RAD51B: variants seen among roughly 807,000 people sequenced by gnomAD.
RAD51B encodes DNA repair protein RAD51 homolog 2.
RAD51B carries 38 observed loss-of-function variants against 42.2 expected under a neutral mutation model. That is an observed-to-expected ratio of 0.90 (90% CI 0.70 to 1.18). The LOEUF is 1.18. Ranked by LOEUF, RAD51B falls within the 50% of genes most tolerant of loss-of-function variation. RAD51B has a pLI of 0.00. For missense variants in RAD51B, 373 were observed against 400.7 expected (o/e 0.93, Z 0.59); for synonymous variants, 154 against 145.2 (o/e 1.06, Z -0.43).
intron 7 of RAD51B, among the ~76,000 whole-genome samples, chr14:67,905,331 A>G (rs773700355): frequency 5.9e-5 from 9 of 152,078 alleles, no homozygotes; most frequent in South Asian, 2.1e-4. Flanking sequence ...GTCTTGTAAT[A>G]TACTTTGAAG....
chr14:68,070,586 G>T (rs555523965), intron 7 of RAD51B, among the ~76,000 whole-genome samples: 2 of 152,262 alleles, frequency 1.3e-5, no homozygotes, highest in East Asian at 1.9e-4. Context: ...TCAGCTAGTT[G>T]TAGGTGTGTG....
intron 4 of RAD51B, among the ~76,000 whole-genome samples, chr14:67,835,749 T>A (rs917464833): frequency 3.3e-5 from 5 of 151,594 alleles, no homozygotes; most frequent in African/African-American, 1.2e-4. Flanking sequence ...ATGCTTATGG[T>A]CCTAGCTACT....
intron 8 of RAD51B, among the ~76,000 whole-genome samples, chr14:68,396,620 A>G (rs550065554): frequency 1.7e-4 from 26 of 152,362 alleles, no homozygotes; most frequent in African/African-American, 5.8e-4. Context: ...GGATCACCTT[A>G]CATATTTTCA....
At chr14:68,564,929 C>T (rs980900548) in intron 10 of RAD51B, among the ~76,000 whole-genome samples, 3 of 152,220 alleles carry the variant, frequency 2.0e-5, no homozygotes, top group Admixed American at 6.5e-5. Context: ...TAGTGACATC[C>T]GTCATGTGGC....
chr14:68,439,290 G>T (rs1594840028), intron 9 of RAD51B, among the ~76,000 whole-genome samples: 1 of 151,990 alleles, frequency 6.6e-6, no homozygotes, highest in African/African-American at 2.4e-5. Context: ...TAGTTGGGCA[G>T]CTCCAGCCTC....
chr14:68,002,251 AG>A (rs1427790574), intron 7 of RAD51B, among the ~76,000 whole-genome samples: 1 of 151,930 alleles, frequency 6.6e-6, no homozygotes, highest in Admixed American at 6.6e-5. Context: ...GACTGATGTG[AG>A]CCATTGTGGT....
In RAD51B at chr14:68,676,246, C is replaced by T. The variant is rs558606985; in HGVS notation, c.*11+25390C>T. 3.3e-5 allele frequency among the ~76,000 whole-genome samples: 5 copies of T among 152,232 alleles called. No individual in the cohort carries two copies. In the East Asian group the frequency reaches 9.6e-4, roughly 29 times the overall value. ...CTTTAGAGACGAGGAAACCTAGGCACAGAGAGGTTAAAGTGCCTTGCCCTG... is the reference window on the plus strand; with the variant it reads ...CTTTAGAGACGAGGAAACCTAGGCATAGAGAGGTTAAAGTGCCTTGCCCTG... On this transcript the variant is annotated intron_variant, in intron 11 of 11. Coordinates refer to the RAD51B transcript ENST00000488612.
chr14:68,324,837 A>T (rs996423130), intron 8 of RAD51B, among the ~76,000 whole-genome samples: 1 of 151,908 alleles, frequency 6.6e-6, no homozygotes, highest in African/African-American at 2.4e-5. Context: ...GCTGATGCTC[A>T]CCCCCAGTTA....
At chr14:68,463,735 G>A (rs1451953526) in intron 9 of RAD51B, among the ~76,000 whole-genome samples, 1 of 152,182 alleles carries the variant, frequency 6.6e-6, no homozygotes, top group Non-Finnish European at 1.5e-5. Context: ...CTCTTACCAT[G>A]ATGTTTGCAT....
chr14:68,244,135 ATTG>A (rs1460387898), intron 7 of RAD51B, among the ~76,000 whole-genome samples: 1 of 152,118 alleles, frequency 6.6e-6, no homozygotes, highest in East Asian at 1.9e-4. Flanking sequence ...ATCTGTTTGT[ATTG>A]TTATTGTTGC....
At chr14:68,013,216 A>G (rs553921825) in intron 7 of RAD51B, among the ~76,000 whole-genome samples, 1 of 152,300 alleles carries the variant, frequency 6.6e-6, no homozygotes, top group Non-Finnish European at 1.5e-5. Context: ...CAAATGAACT[A>G]GTTTGGGCTT....
intron 8 of RAD51B, among the ~76,000 whole-genome samples, chr14:68,351,607 C>A (rs2082790194): frequency 6.6e-6 from 1 of 152,056 alleles, no homozygotes; most frequent in Non-Finnish European, 1.5e-5. Flanking sequence ...ACTTTACAAG[C>A]CTTTACTGGA....
intron 10 of RAD51B, among the ~76,000 whole-genome samples, chr14:68,578,915 G>A (rs1428168697): frequency 6.6e-6 from 1 of 152,216 alleles, no homozygotes; most frequent in African/African-American, 2.4e-5. Context: ...TCATAGGCTT[G>A]CTTTCCTTCT....
chr14:68,094,876 A>C (rs2077165824), intron 7 of RAD51B, among the ~76,000 whole-genome samples: 2 of 152,232 alleles, frequency 1.3e-5, no homozygotes, highest in Admixed American at 1.3e-4. Flanking sequence ...AAATGACTAC[A>C]TCTGGTCATG....
chr14:68,468,603 AGGAGCCAGT>A (rs1438217620), intron 10 of RAD51B: 14 of 360,388 alleles, frequency 3.9e-5, no homozygotes, highest in Non-Finnish European at 2.7e-5. Context: ...TGTGGAGGTG[AGGAGCCAGT>A]GCTGCCCCAG....
At chr14:68,112,341 C>T (rs1035664943) in intron 7 of RAD51B, among the ~76,000 whole-genome samples, 1 of 151,944 alleles carries the variant, frequency 6.6e-6, no homozygotes. Flanking sequence ...CTTGCCATCC[C>T]CTCCACACCT....
chr14:68,399,087 A>T (rs2084009669), intron 8 of RAD51B, among the ~76,000 whole-genome samples: 1 of 152,102 alleles, frequency 6.6e-6, no homozygotes, highest in Non-Finnish European at 1.5e-5. Flanking sequence ...TTCTCCAGAG[A>T]TCCAATCCCA....
intron 8 of RAD51B, among the ~76,000 whole-genome samples, chr14:68,354,502 C>A (rs563314003): frequency 3.3e-5 from 5 of 151,980 alleles, no homozygotes; most frequent in African/African-American, 1.2e-4. Context: ...CGTGAGCCAC[C>A]GCGCCTGGCC....
chr14:68,492,225 G>T (rs945558650), intron 10 of RAD51B, among the ~76,000 whole-genome samples: 1 of 152,018 alleles, frequency 6.6e-6, no homozygotes, highest in Non-Finnish European at 1.5e-5. Flanking sequence ...ATTGCAACCC[G>T]CTCTGCTTAC....
Sources: allele counts gnomAD v4.1 joint callset (sites outside exome capture counted in the v4.1 genomes callset), GRCh38; gene constraint gnomAD v4.1.1; transcripts MANE v1.5; gene names NCBI Gene and HGNC (gene_info 2026-07-23, HGNC 2026-07-21).